KIF2A: variants seen among roughly 807,000 people sequenced by gnomAD.
KIF2A encodes kinesin-like protein KIF2A.
In KIF2A, 22 loss-of-function variants were observed where a neutral mutation model predicts 100.2. The ratio of observed to expected loss-of-function variants is 0.22; its 90% CI spans 0.16 to 0.31. The LOEUF (loss-of-function observed/expected upper bound fraction) is 0.31. Among genes scored for constraint, KIF2A ranks in the 10% least tolerant of loss-of-function variants. The pLI is 1.00. For synonymous variants in KIF2A, 268 were observed against 285.9 expected, an observed-to-expected ratio of 0.94 and a Z score of 0.63; for missense variants, 495 against 898.7, an observed-to-expected ratio of 0.55 and a Z score of 5.74.
At chr5:62,344,961 CA>C (rs1394125349) in intron 1 of KIF2A, among the ~76,000 whole-genome samples, 1 of 152,178 alleles carries the variant, frequency 6.6e-6, no homozygotes, top group East Asian at 1.9e-4. Context: ...AGGTAGGCCA[CA>C]AGGCCGGGCG....
intron 1 of KIF2A, among the ~76,000 whole-genome samples, chr5:62,319,277 C>T (rs1022016308): frequency 6.6e-6 from 1 of 152,192 alleles, no homozygotes; most frequent in Admixed American, 6.5e-5. Context: ...AGGCTTAAAA[C>T]TTTGAAAGTG....
intron 1 of KIF2A, among the ~76,000 whole-genome samples, chr5:62,314,093 A>C (rs915107227): frequency 6.6e-6 from 1 of 152,064 alleles, no homozygotes; most frequent in Non-Finnish European, 1.5e-5. Context: ...TACCTGGTCA[A>C]ATTTATTCAA....
In KIF2A at chr5:62,345,482, A is replaced by AG. The variant is rs1390421730; in HGVS notation, c.65-1648_65-1647insG. On this transcript the variant is annotated intron_variant, in intron 1 of 20. Coordinates refer to ENST00000407818, the MANE Select transcript of KIF2A (RefSeq NM_001098511.3). Reference sequence around the variant, plus strand: ...TGAGAATCGCTTGAGACTCTGTCTCAAAAAAAAAAAAAGAAAAGAAAAAAT... The same window carrying AG: ...TGAGAATCGCTTGAGACTCTGTCTCAGAAAAAAAAAAAAGAAAAGAAAAAAT... Among the ~76,000 whole-genome samples, 4 of 118,030 alleles carry AG rather than the reference A, an allele frequency of 3.4e-5. 1 individual carries two copies. The highest frequency in any genetic ancestry group is 7.0e-5 in the Non-Finnish European group (4 of 57,408). The allele number at this position is 118,030 out of a possible 152,430, so 77.4% of individuals were successfully genotyped here.
chr5:62,351,345 G>A (rs910265535), intron 4 of KIF2A, among the ~76,000 whole-genome samples: 2 of 152,026 alleles, frequency 1.3e-5, no homozygotes, highest in Admixed American at 1.3e-4. Flanking sequence ...AATTCGAGAA[G>A]AATATTATGA....
At chr5:62,351,545 C>G (rs1384249256) in intron 4 of KIF2A, among the ~76,000 whole-genome samples, 3 of 152,026 alleles carry the variant, frequency 2.0e-5, no homozygotes, top group East Asian at 3.8e-4. Context: ...TATTATTTCT[C>G]TGTGTGTGGA....
chr5:62,372,694 C>T (rs1741377611), intron 17 of KIF2A, 143 bp downstream of exon 17: 1 of 532,886 alleles, frequency 1.9e-6, no homozygotes, highest in South Asian at 3.0e-5. Flanking sequence ...GGTTGTACTG[C>T]ATGATCTGCA....
chr5:62,306,322 C>T lies in KIF2A; in HGVS notation c.-151C>T. 1 of 644,926 alleles carries T rather than the reference C, an allele frequency of 1.6e-6. No homozygotes were observed. Among genetic ancestry groups the T allele is most frequent in the South Asian group, 1.9e-5 (1 of 53,058 alleles). The allele number at this position is 644,926 out of a possible 1,614,324, so 40.0% of individuals were successfully genotyped here. On this transcript the variant is annotated 5_prime_UTR_variant, in exon 1 of 21. Transcript: ENST00000407818. Reference sequence around the variant, plus strand: ...CTCCGCCTGCTTCCCCACAGCTGCTCCTTGCGGCCCCGCTTGCGTTCACGC... The same window carrying T: ...CTCCGCCTGCTTCCCCACAGCTGCTTCTTGCGGCCCCGCTTGCGTTCACGC...
rs1381328071 is a variant in KIF2A, at chr5:62,388,429, G to A, written c.*2860G>A. 2.0e-5 allele frequency: 3 copies of A among 152,406 alleles called. No homozygotes were observed. Among genetic ancestry groups the A allele is most frequent in the Admixed American group, 2.0e-4 (3 of 15,290 alleles). The allele number at this position is 152,406 out of a possible 1,614,324, so 9.4% of individuals were successfully genotyped here. On this transcript the variant is annotated 3_prime_UTR_variant, in exon 21 of 21. Coordinates refer to ENST00000407818, the MANE Select transcript of KIF2A (RefSeq NM_001098511.3). ...GACTTGGGCTTACCCAGAACCCTAA[G>A]TCTCTGACGCTATAGGATAGCGAAA...
intron 1 of KIF2A, among the ~76,000 whole-genome samples, chr5:62,341,421 C>T (rs1390956707): frequency 2.0e-5 from 3 of 152,032 alleles, no homozygotes; most frequent in South Asian, 2.1e-4. Flanking sequence ...CTACCTCAGC[C>T]TCCCAAGTTG....
chr5:62,358,565 T>C (rs1453539102), intron 9 of KIF2A, among the ~76,000 whole-genome samples: 5 of 152,168 alleles, frequency 3.3e-5, no homozygotes, highest in African/African-American at 1.2e-4. Context: ...ACACAAACCA[T>C]GTATATGGAT....
chr5:62,321,523 A>G (rs556608946), intron 1 of KIF2A, among the ~76,000 whole-genome samples: 1 of 152,018 alleles, frequency 6.6e-6, no homozygotes, highest in Admixed American at 6.6e-5. Context: ...ATGATGTTGA[A>G]CGTCTTTCCA....
intron 1 of KIF2A, among the ~76,000 whole-genome samples, chr5:62,309,067 G>A (rs1458473511): frequency 1.3e-5 from 2 of 150,040 alleles, no homozygotes; most frequent in South Asian, 2.1e-4. Context: ...ACACTCATAA[G>A]TATGAGTATA....
rs554080328 is a variant in KIF2A at position 62,390,910 on chromosome 5, G to A, written c.*5341G>A. ...TCATCTATGTCCATGGAACGGGCCC[G>A]TTTGTCACTAAAACCTGTGCTGGTT... On this transcript the variant is annotated 3_prime_UTR_variant, in exon 21 of 21. Transcript: ENST00000407818. 9 of 1,612,120 alleles carry A rather than the reference G, an allele frequency of 5.6e-6. No homozygotes were observed. The highest frequency in any genetic ancestry group is 3.3e-5 in the Admixed American group (2 of 60,002).
chr5:62,337,455 G>T (rs1356264844), intron 1 of KIF2A, among the ~76,000 whole-genome samples: 1 of 151,672 alleles, frequency 6.6e-6, no homozygotes, highest in Non-Finnish European at 1.5e-5. Flanking sequence ...TCACACCATC[G>T]CACTCCAGCC....
chr5:62,381,358 G>C, intron 20 of KIF2A, 105 bp downstream of exon 20: 1 of 880,358 alleles, frequency 1.1e-6, no homozygotes, highest in Non-Finnish European at 1.8e-6. Context: ...GTGAAAATTA[G>C]GGGCACTGTT....
chr5:62,339,765 CAAA>C (rs546300639), intron 1 of KIF2A, among the ~76,000 whole-genome samples: 4 of 118,458 alleles, frequency 3.4e-5, no homozygotes, highest in South Asian at 5.3e-4. Flanking sequence ...TAGTATTGAG[CAAA>C]AAAAAAAAAC....
At chr5:62,309,658 T>C (rs1404206652) in intron 1 of KIF2A, among the ~76,000 whole-genome samples, 1 of 152,240 alleles carries the variant, frequency 6.6e-6, no homozygotes, top group Non-Finnish European at 1.5e-5. Flanking sequence ...AAAGAAGGGC[T>C]GCTTCAGACC....
At chr5:62,374,618 A>T (rs1212740503) in intron 18 of KIF2A, among the ~76,000 whole-genome samples, 1 of 152,214 alleles carries the variant, frequency 6.6e-6, no homozygotes, top group Non-Finnish European at 1.5e-5. Context: ...AAACAACTTT[A>T]AAAATTACAC....
chr5:62,374,073 G>T (rs779791496), intron 18 of KIF2A, among the ~76,000 whole-genome samples: 32 of 152,134 alleles, frequency 2.1e-4, no homozygotes, highest in Non-Finnish European at 3.8e-4. Context: ...TCATCCAGAT[G>T]TGGTGGTATA....
Sources: allele counts gnomAD v4.1 joint callset (sites outside exome capture counted in the v4.1 genomes callset), GRCh38; gene constraint gnomAD v4.1.1; transcripts MANE v1.5; gene names NCBI Gene and HGNC (gene_info 2026-07-23, HGNC 2026-07-21).